WDR19: variants seen among roughly 807,000 people sequenced by gnomAD.
WDR19 encodes WD repeat-containing protein 19.
In WDR19, 121 loss-of-function variants were observed where a neutral mutation model predicts 180.0. The ratio of observed to expected loss-of-function variants is 0.67; its 90% CI spans 0.58 to 0.78. WDR19 has a LOEUF of 0.78. Among genes scored for constraint, WDR19 ranks in the 30% least tolerant of loss-of-function variants. The probability of loss-of-function intolerance (pLI) is 0.00; values close to 1 mark genes in which losing one functional copy is unlikely to be tolerated. For synonymous variants in WDR19, 497 were observed against 540.7 expected (o/e 0.92, Z 1.12); for missense variants, 1,450 against 1,640.7 (o/e 0.88, Z 2.01).
At chr4:39,216,240 T>C (rs760170505) in intron 12 of WDR19, 30 bp downstream of exon 12, 13 of 1,492,062 alleles carry the variant, frequency 8.7e-6, no homozygotes, top group Non-Finnish European at 1.2e-5. Flanking sequence ...TTTATTCTTA[T>C]CTAGCACATA....
intron 14 of WDR19, among the ~76,000 whole-genome samples, chr4:39,219,368 C>T (rs1437898284): frequency 6.6e-6 from 1 of 152,178 alleles, no homozygotes; most frequent in East Asian, 1.9e-4. Context: ...CCATCCTGAT[C>T]TTATGGGACT....
chr4:39,203,252 A>C (rs1243411945), intron 6 of WDR19, among the ~76,000 whole-genome samples: 1 of 151,626 alleles, frequency 6.6e-6, no homozygotes, highest in African/African-American at 2.4e-5. Context: ...GATATGAGCC[A>C]CCGCACCCAT....
chr4:39,228,657 G>A lies in WDR19; in HGVS notation c.1949G>A (p.Arg650Lys), dbSNP rs1730542160. ...NLKDTGPDEL[R>K]PMLAQNLMLK... Reference sequence around the variant, plus strand: ...AAAGATACGGGGCCTGACGAACTGAGACCAATGCTGGCACAGAATTTAATG... The same window carrying A: ...AAAGATACGGGGCCTGACGAACTGAAACCAATGCTGGCACAGAATTTAATG... The change falls in exon 17 of 37, where the codon AGA becomes AAA. Residue 650 changes from arginine (R) to lysine (K), a missense_variant. Transcript: ENST00000399820. The A allele has an allele frequency of 2.5e-6, 4 of 1,605,740 alleles. No individual in the cohort carries two copies. The highest frequency in any genetic ancestry group is 3.4e-6 in the Non-Finnish European group (4 of 1,176,062).
chr4:39,230,636 T>G (rs1263763879), intron 17 of WDR19, among the ~76,000 whole-genome samples: 1 of 152,214 alleles, frequency 6.6e-6, no homozygotes, highest in African/African-American at 2.4e-5. Context: ...TGTCAAACTA[T>G]GCTATAGTCA....
intron 17 of WDR19, among the ~76,000 whole-genome samples, chr4:39,230,592 A>G (rs1253354781): frequency 1.3e-5 from 2 of 152,236 alleles, no homozygotes; most frequent in South Asian, 2.1e-4. Context: ...GACTTAGCAC[A>G]AAGAGTTACC....
chr4:39,198,727 C>T (rs567046210), intron 5 of WDR19, among the ~76,000 whole-genome samples: 5 of 150,788 alleles, frequency 3.3e-5, no homozygotes, highest in South Asian at 2.1e-4. Context: ...TGGCCAGGTG[C>T]GGTGGCTCAC....
At chr4:39,234,732 T>C (rs1357294699) in intron 19 of WDR19, 34 bp from the exon 20 acceptor site, 2 of 1,433,692 alleles carry the variant, frequency 1.4e-6, no homozygotes, top group Non-Finnish European at 1.9e-6. Flanking sequence ...ATAATTTTGC[T>C]CATTTGAAAT....
chr4:39,187,622 C>T (rs1397848343), intron 3 of WDR19, among the ~76,000 whole-genome samples: 1 of 151,814 alleles, frequency 6.6e-6, no homozygotes, highest in Non-Finnish European at 1.5e-5. Context: ...TTTCCATTAA[C>T]TCTCTTAATT....
At chr4:39,224,809 A>C in intron 14 of WDR19, 75 bp from the exon 15 acceptor site, 1 of 1,271,028 alleles carries the variant, frequency 7.9e-7, no homozygotes. Flanking sequence ...ACATATGTTT[A>C]ATTTAAATGT....
chr4:39,247,369 A>T (rs186851763), intron 24 of WDR19, among the ~76,000 whole-genome samples: 1 of 152,316 alleles, frequency 6.6e-6, no homozygotes, highest in Middle Eastern at 3.4e-3. Flanking sequence ...CACCATCATC[A>T]AAGACCAAAG....
chr4:39,189,416 T>C (rs1725915686), intron 3 of WDR19, among the ~76,000 whole-genome samples: 1 of 152,178 alleles, frequency 6.6e-6, no homozygotes, highest in Non-Finnish European at 1.5e-5. Context: ...TGATTATATT[T>C]AATGTAGTAT....
At chr4:39,202,122 A>T (rs1457976035) in intron 6 of WDR19, among the ~76,000 whole-genome samples, 2 of 152,070 alleles carry the variant, frequency 1.3e-5, no homozygotes, top group Admixed American at 6.5e-5. Flanking sequence ...TGCCCTTTCT[A>T]TTCTGTTTTT....
Position 39,231,791 on chromosome 4 carries a change from T to TCCCA in WDR19, c.1983-5_1983-2dup. 1 of 1,576,744 alleles carries TCCCA rather than the reference T, an allele frequency of 6.3e-7. No individual in the cohort carries two copies. Among genetic ancestry groups the TCCCA allele is most frequent in the Non-Finnish European group, 8.7e-7 (1 of 1,153,626 alleles). ...TTCTGATTAAGCTTATGTTCTTACA[T>TCCCA]CCCAGGTTTTCTGATGCTTGGGAAA... On this transcript the variant is annotated splice_polypyrimidine_tract_variant and splice_region_variant and intron_variant, in intron 17 of 36. Coordinates refer to ENST00000399820, the MANE Select transcript of WDR19 (RefSeq NM_025132.4).
At chr4:39,240,372 C>G (rs1731808904) in intron 21 of WDR19, 38 bp downstream of exon 21, 1 of 1,256,528 alleles carries the variant, frequency 8.0e-7, no homozygotes, top group Non-Finnish European at 1.0e-6. Flanking sequence ...CTAATTATGT[C>G]TGGGTTTGTT....
chr4:39,228,695 G>A lies in WDR19; in HGVS notation c.1982+5G>A. ...ACAGAATTTAATGCTAAAGAGGTAGGCTTTCACACACTTCTTTTGGAACTT... is the reference window on the plus strand; with the variant it reads ...ACAGAATTTAATGCTAAAGAGGTAGACTTTCACACACTTCTTTTGGAACTT... On this transcript the variant is annotated splice_donor_5th_base_variant and intron_variant, in intron 17 of 36. Coordinates refer to ENST00000399820, the MANE Select transcript of WDR19 (RefSeq NM_025132.4). The A allele has an allele frequency of 1.3e-6, 2 of 1,537,402 alleles. No individual in the cohort carries two copies. The highest frequency in any genetic ancestry group is 2.3e-5 in the East Asian group (1 of 43,920).
rs1189669588 is a variant in WDR19, at chr4:39,285,661, T to C, written c.*188T>C. On this transcript the variant is annotated 3_prime_UTR_variant, in exon 37 of 37. Coordinates refer to ENST00000399820, the MANE Select transcript of WDR19 (RefSeq NM_025132.4). ...GATGACATGTAACCTTGCTGTTTAT[T>C]GTACTTTGTATATTATTTCCTCTTC... 6.6e-6 allele frequency: 1 copy of C among 152,252 alleles called. No individual in the cohort carries two copies. The highest frequency in any genetic ancestry group is 1.9e-4 in the East Asian group (1 of 5,202). The allele number at this position is 152,252 out of a possible 1,614,324, so 9.4% of individuals were successfully genotyped here.
intron 9 of WDR19, among the ~76,000 whole-genome samples, chr4:39,211,130 G>T (rs1728456377): frequency 6.6e-6 from 1 of 152,078 alleles, no homozygotes; most frequent in Non-Finnish European, 1.5e-5. Flanking sequence ...GGTTGAGGCT[G>T]CAGTGAGCTG....
intron 18 of WDR19, 92 bp from the exon 19 acceptor site, chr4:39,232,070 C>A: frequency 6.7e-7 from 1 of 1,497,030 alleles, no homozygotes; most frequent in Non-Finnish European, 9.2e-7. Flanking sequence ...ATCGATAGAA[C>A]GTTACCACTT....
chr4:39,232,791 C>T (rs576814641), intron 19 of WDR19, among the ~76,000 whole-genome samples: 1 of 152,144 alleles, frequency 6.6e-6, no homozygotes, highest in Admixed American at 6.5e-5. Flanking sequence ...ACACTATATG[C>T]CTTCCCCCTC....
Sources: allele counts gnomAD v4.1 joint callset (sites outside exome capture counted in the v4.1 genomes callset), GRCh38; gene constraint gnomAD v4.1.1; transcripts MANE v1.5; gene names NCBI Gene and HGNC (gene_info 2026-07-23, HGNC 2026-07-21).